The following CFAP61 variants were observed in gnomAD, a reference collection of about 807,000 sequenced individuals.
CFAP61 encodes the protein cilia- and flagella-associated protein 61.
A neutral mutation model predicts 135.6 loss-of-function variants in CFAP61; 107 were observed. The ratio of observed to expected loss-of-function variants is 0.79; its 90% CI spans 0.67 to 0.93. The LOEUF (loss-of-function observed/expected upper bound fraction) is 0.93. CFAP61 is among the 40% of genes least tolerant of loss of function. The pLI is 0.00. For synonymous variants in CFAP61, 575 were observed against 578.5 expected (o/e 0.99, Z 0.09); for missense variants, 1,507 against 1,556.2 (o/e 0.97, Z 0.53).
At chr20:20,346,716 A>T (rs2058648328) in intron 26 of CFAP61, among the ~76,000 whole-genome samples, 1 of 152,220 alleles carries the variant, frequency 6.6e-6, no homozygotes, top group Non-Finnish European at 1.5e-5. Context: ...TACGAAAGAT[A>T]TAACAATTAT....
intron 13 of CFAP61, chr20:20,172,423 C>G (rs936801741): frequency 3.2e-5 from 9 of 283,902 alleles, no homozygotes; most frequent in Admixed American, 2.6e-4. Flanking sequence ...CTCAGGTGAT[C>G]CTCCCATCTC....
chr20:20,123,891 T>G (rs922488304), intron 8 of CFAP61, among the ~76,000 whole-genome samples: 3 of 151,574 alleles, frequency 2.0e-5, no homozygotes, highest in African/African-American at 7.3e-5. Flanking sequence ...ATTTGTTTGT[T>G]TCATCTGTGA....
intron 25 of CFAP61, chr20:20,322,971 TATC>T (rs1448454606): frequency 3.0e-6 from 3 of 985,258 alleles, no homozygotes; most frequent in Admixed American, 6.1e-5. Flanking sequence ...CTGTTAAAGT[TATC>T]ATAATAATGA....
intron 21 of CFAP61, among the ~76,000 whole-genome samples, chr20:20,276,872 A>G (rs1033343224): frequency 6.6e-6 from 1 of 152,234 alleles, no homozygotes; most frequent in African/African-American, 2.4e-5. Flanking sequence ...TGGGAACAAA[A>G]GCAAGATAAA....
chr20:20,216,962 T>C (rs564329543), intron 17 of CFAP61, among the ~76,000 whole-genome samples: 1 of 152,326 alleles, frequency 6.6e-6, no homozygotes, highest in East Asian at 1.9e-4. Context: ...GCCACTCCCA[T>C]TTATTGTATT....
chr20:20,230,202 A>G (rs143164640), intron 18 of CFAP61, among the ~76,000 whole-genome samples: 34 of 152,344 alleles, frequency 2.2e-4, no homozygotes, highest in African/African-American at 8.2e-4. Flanking sequence ...AAATTTCCCA[A>G]TCAAACAGAG....
In CFAP61 at chr20:20,196,574, T is replaced by C. The variant is rs751494889; in HGVS notation, c.1595T>C (p.Ile532Thr). The C allele has an allele frequency of 2.7e-5, 44 of 1,611,212 alleles. No individual in the cohort carries two copies. In the South Asian group the frequency reaches 3.7e-4, roughly 14 times the overall value. The change falls in exon 16 of 27, where the codon ATT (isoleucine) becomes ACT (threonine). Residue 532 changes from isoleucine (I) to threonine (T), a missense_variant. Physicochemically the swap from Ile to Thr is moderately conservative, Grantham distance 89. Transcript: ENST00000245957. ...TCCCTTCTGTCTCTTCTGTAGGACATTGAGTACATACGGTCCCATTACAAC... is the reference window on the plus strand; with the variant it reads ...TCCCTTCTGTCTCTTCTGTAGGACACTGAGTACATACGGTCCCATTACAAC... ...GIAVIRNEMD[I>T]EYIRSHYNIE...
At chr20:20,194,731 T>C (rs2056165251) in intron 15 of CFAP61, among the ~76,000 whole-genome samples, 1 of 152,180 alleles carries the variant, frequency 6.6e-6, no homozygotes, top group Non-Finnish European at 1.5e-5. Context: ...GTATCTGGCT[T>C]CCCCTTGTGT....
intron 1 of CFAP61, among the ~76,000 whole-genome samples, chr20:20,053,950 C>G (rs1301076157): frequency 6.6e-6 from 1 of 150,394 alleles, no homozygotes; most frequent in African/African-American, 2.4e-5. Context: ...GATCACCATC[C>G]TTCTCTCTTA....
intron 8 of CFAP61, among the ~76,000 whole-genome samples, chr20:20,140,127 AATTTTTTTTT>A (rs2051255047): frequency 1.4e-5 from 1 of 69,180 alleles, no homozygotes; most frequent in Non-Finnish European, 3.3e-5. Context: ...GGGTGCTGGA[AATTTTTTTTT>A]TTTTTTTTTT....
At chr20:20,163,087 C>T (rs945609089) in intron 10 of CFAP61, among the ~76,000 whole-genome samples, 2 of 152,062 alleles carry the variant, frequency 1.3e-5, no homozygotes, top group Admixed American at 6.5e-5. Flanking sequence ...TAAATGAAAA[C>T]GTTGAAAGTT....
intron 25 of CFAP61, chr20:20,322,712 T>A (rs2057579212): frequency 1.0e-6 from 1 of 985,208 alleles, no homozygotes; most frequent in Non-Finnish European, 1.2e-6. Flanking sequence ...AGTTCTGGCA[T>A]CTTCCTTCTG....
chr20:20,228,327 G>T lies in CFAP61; in HGVS notation c.2011G>T (p.Val671Phe). 4 of 1,611,976 alleles carry T rather than the reference G, an allele frequency of 2.5e-6. No homozygotes were observed. Among genetic ancestry groups the T allele is most frequent in the Non-Finnish European group, 3.4e-6 (4 of 1,178,318 alleles). Residue 671 changes from valine to phenylalanine, a missense_variant, in exon 18 of 27, where the codon GTT (valine) becomes TTT (phenylalanine). Coordinates refer to ENST00000245957, the MANE Select transcript of CFAP61 (RefSeq NM_015585.4). ...TACTGTCAATGCCAAGATCATTGTG[G>T]TTGGTGCATCCAGTGTTGGAATTTC... is the stretch of plus-strand genomic sequence containing the variant. ...KITVNAKIIV[V>F]GASSVGISFL...
Position 20,322,938 on chromosome 20 carries a change from G to A in CFAP61, c.3423-18893G>A, listed in dbSNP as rs1449287325. On this transcript the variant is annotated intron_variant, in intron 25 of 26. Transcript: ENST00000245957. ...AGTAGCTTATTTATTGAATTAGACT[G>A]TGAGTGGTTTCCAGGGTTGAGACTG... The A allele has an allele frequency of 2.1e-5, 21 of 985,344 alleles. 1 individual carries two copies. Among genetic ancestry groups the A allele is most frequent in the Non-Finnish European group, 1.2e-6 (1 of 829,940 alleles). The allele number at this position is 985,344 out of a possible 1,614,324, so 61.0% of individuals were successfully genotyped here.
chr20:20,070,819 C>T (rs1360647223), intron 2 of CFAP61, 35 bp from the exon 3 acceptor site: 1 of 1,592,240 alleles, frequency 6.3e-7, no homozygotes, highest in Non-Finnish European at 8.6e-7. Flanking sequence ...TTTTTGTAAT[C>T]TTATTCATGT....
intron 20 of CFAP61, among the ~76,000 whole-genome samples, chr20:20,261,293 T>G (rs559234231): frequency 7.9e-5 from 12 of 152,346 alleles, no homozygotes; most frequent in African/African-American, 2.9e-4. Flanking sequence ...TGGAGGTTAG[T>G]CAAGCCCCAT....
At chr20:20,341,809 G>T in intron 25 of CFAP61, 22 bp from the exon 26 acceptor site, 1 of 1,585,098 alleles carries the variant, frequency 6.3e-7, no homozygotes, top group African/African-American at 1.3e-5. Flanking sequence ...CCAGCTCACT[G>T]AGTCTCTTCT....
chr20:20,262,311 T>G (rs1194195893), intron 20 of CFAP61, among the ~76,000 whole-genome samples: 1 of 152,170 alleles, frequency 6.6e-6, no homozygotes, highest in East Asian at 1.9e-4. Context: ...AATATGGACC[T>G]CTCTCTATTG....
Position 20,359,120 on chromosome 20 carries a change from T to C in CFAP61, c.3514-1090T>C, listed in dbSNP as rs1317006430. Among the ~76,000 whole-genome samples, 1 of 152,206 alleles carries C rather than the reference T, an allele frequency of 6.6e-6. No individual in the cohort carries two copies. Among genetic ancestry groups the C allele is most frequent in the Non-Finnish European group, 1.5e-5 (1 of 68,042 alleles). ...TTCAACTTGTCTCTGAAAATTTTTA[T>C]AATGAAATGTTAGGAAAATCTCTAC... On this transcript the variant is annotated intron_variant, in intron 26 of 26. Coordinates refer to ENST00000245957, the MANE Select transcript of CFAP61 (RefSeq NM_015585.4). This position sits in a 1 kb window ranked among gnomAD's most constrained non-coding sequence, Gnocchi z 4.0.
Sources: allele counts gnomAD v4.1 joint callset (sites outside exome capture counted in the v4.1 genomes callset), GRCh38; gene constraint gnomAD v4.1.1; non-coding constraint Gnocchi (gnomAD v3.1); transcripts MANE v1.5; gene names NCBI Gene and HGNC (gene_info 2026-07-23, HGNC 2026-07-21).